The following PRB3 variants were observed in gnomAD, a reference collection of about 807,000 sequenced individuals.
PRB3 encodes basic salivary proline-rich protein 3.
Under a neutral mutation model 10.0 loss-of-function variants are expected in PRB3, and 9 were observed. The observed-to-expected ratio is 0.90, with a 90% confidence interval of 0.54 to 1.57. PRB3 has a LOEUF of 1.57. PRB3 is among the 40% of genes most tolerant of loss of function. PRB3 has a pLI of 0.00. For synonymous variants in PRB3, 89 were observed against 138.6 expected (o/e 0.64, Z 2.52); for missense variants, 285 against 385.5 (o/e 0.74, Z 2.18).
At position 11,268,029 on chromosome 12, in the gene PRB3, G is replaced by A. The variant is rs1272187269; in HGVS notation, c.220C>T (p.Arg74Cys). Residue 74 changes from arginine (R) to cysteine (C), a missense_variant, in exon 3 of 4, where the codon CGT becomes TGT. Physicochemically the swap from Arg to Cys is radical, Grantham distance 180. This residue lies in a region of PRB3 where 147 missense variants were observed against 129.4 expected (regional missense o/e 1.14). Transcript: ENST00000538488. ...GGNQSQGPPP[R>C]PGKPEGPPPQ... The stretch of plus-strand genomic sequence containing the variant: ...GGTGGTCCTTCTGGCTTTCCTGGAC[G>A]AGGTGGGGGACCTTGGGACTGGTTG... The A allele has an allele frequency of 3.1e-6, 5 of 1,599,920 alleles. No homozygotes were observed. The African/African-American group carries it at 4.1e-5, about 13-fold the overall frequency.
intron 1 of PRB3, among the ~76,000 whole-genome samples, chr12:11,268,938 T>C (rs980993723): frequency 7.9e-5 from 12 of 152,230 alleles, no homozygotes; most frequent in African/African-American, 2.9e-4. Context: ...TAATTTAGTT[T>C]ACACATGCCA....
rs1479346593 is a variant in PRB3 at position 11,267,219 on chromosome 12, G to T, written c.1030C>A (p.Pro344Thr). The T allele has an allele frequency of 1.2e-6, 2 of 1,614,062 alleles. No homozygotes were observed. Among genetic ancestry groups the T allele is most frequent in the Non-Finnish European group, 1.7e-6 (2 of 1,179,932 alleles). The part of the protein sequence containing the change: ...PPPQGGRPHR[P>T]PQGQPPQ Reference sequence around the variant, plus strand: ...TACTGGGGAGGCTGTCCCTGGGGAGGTCTGTGTGGTCTGCCCCCTTGAGGA... The same window carrying T: ...TACTGGGGAGGCTGTCCCTGGGGAGTTCTGTGTGGTCTGCCCCCTTGAGGA... Residue 344 changes from proline to threonine, a missense_variant, in exon 3 of 4, where the codon CCT (proline) becomes ACT (threonine). Physicochemically the swap from Pro to Thr is conservative, Grantham distance 38 (BLOSUM62 -1). Around this residue, in one of 3 missense-constraint regions of PRB3, gnomAD observed 108 missense variants for 106.9 expected, o/e 1.01. Coordinates refer to ENST00000538488, the MANE Select transcript of PRB3 (RefSeq NM_001394862.1).
intron 3 of PRB3, 89 bp from the exon 4 acceptor site, chr12:11,266,118 C>T: frequency 7.0e-6 from 3 of 428,442 alleles, no homozygotes; most frequent in South Asian, 5.1e-5. Flanking sequence ...CAGTAGAGTA[C>T]ATGAGATCCC....
In PRB3 at chr12:11,267,496, T is replaced by C. The variant is rs775081926; in HGVS notation, c.753A>G (p.Pro251=). 9.1e-7 allele frequency: 1 copy of C among 1,098,570 alleles called. No individual in the cohort carries two copies. The highest frequency in any genetic ancestry group is 2.1e-5 in the South Asian group (1 of 46,534). The allele number at this position is 1,098,570 out of a possible 1,614,324, so 68.1% of individuals were successfully genotyped here. A position where few individuals can be genotyped will look rare whatever the true frequency, so the allele number is the denominator to read the frequency against. Residue 251 remains proline (P), a synonymous_variant, in exon 3 of 4, where the codon CCA becomes CCG. Transcript: ENST00000538488. ...GACCTTGGGACTGGTTTCCTCCTTG[T>C]GGGGGTGGTCCTTCTGGCTTTCCTG... ...PRPGKPEGPP[P]QGGNQSQGPP... is the part of the protein sequence containing the mutation.
chr12:11,267,299 T>C lies in PRB3; in HGVS notation c.950A>G (p.Asn317Ser). ...GGGAGGTGGCAGAGGCTGCTGGGGA[T>C]TGCCTCCTGGTGGGGGTGGTCCTTG... ...RPQGPPPPGG[N>S]PQQPLPPPAG... Residue 317 changes from asparagine (N) to serine (S), a missense_variant, in exon 3 of 4, where the codon AAT becomes AGT. Physicochemically the swap from Asn to Ser is conservative, Grantham distance 46 (BLOSUM62 1). Coordinates refer to ENST00000538488, the MANE Select transcript of PRB3 (RefSeq NM_001394862.1). The C allele has an allele frequency of 6.2e-7, 1 of 1,612,600 alleles. No homozygotes were observed.
chr12:11,269,509 C>G (rs941205278), intron 1 of PRB3, 97 bp downstream of exon 1: 1 of 1,458,106 alleles, frequency 6.9e-7, no homozygotes. Flanking sequence ...TCTGCAGCCC[C>G]ATCTGTGTTT....
At chr12:11,269,341 C>T (rs1948627846) in intron 1 of PRB3, among the ~76,000 whole-genome samples, 1 of 152,216 alleles carries the variant, frequency 6.6e-6, no homozygotes, top group Non-Finnish European at 1.5e-5. Flanking sequence ...CCACTGCATC[C>T]TTCACAGCAC....
At position 11,265,930 on chromosome 12, in the gene PRB3, GTTTAT is replaced by G; in HGVS notation, c.*112_*116del. The G allele has an allele frequency of 2.2e-6, 1 of 455,946 alleles. No individual in the cohort carries two copies. The highest frequency in any genetic ancestry group is 1.6e-5 in the South Asian group (1 of 64,440). 28.2% of individuals were successfully genotyped at this position (455,946 alleles called of 1,614,324 possible). A position where few individuals can be genotyped will look rare whatever the true frequency, so the allele number is the denominator to read the frequency against. On this transcript the variant is annotated 3_prime_UTR_variant, in exon 4 of 4. Transcript: ENST00000538488. ...ACACCACAATCAGAAATTGTAAGCTGTTTATTTTATTGGTATATTAAAGGTAGAGC... is the reference window on the plus strand; with the variant it reads ...ACACCACAATCAGAAATTGTAAGCTGTTTATTGGTATATTAAAGGTAGAGC...
At chr12:11,266,140 C>G (rs1363900735) in intron 3 of PRB3, 111 bp from the exon 4 acceptor site, 2 of 394,594 alleles carry the variant, frequency 5.1e-6, no homozygotes, top group Admixed American at 2.8e-5. Context: ...TCCTCTCTCC[C>G]CAATCCCTTC....
chr12:11,268,061 T>A lies in PRB3; in HGVS notation c.188A>T (p.Gln63Leu). ...GGGACCTTGGGACTGGTTGCCTCCTTGTGGGGGTCGTCCTTCTGGCTTTCC... is the reference window on the plus strand; with the variant it reads ...GGGACCTTGGGACTGGTTGCCTCCTAGTGGGGGTCGTCCTTCTGGCTTTCC... ...PPGKPEGRPP[Q>L]GGNQSQGPPP... The change falls in exon 3 of 4, where the codon CAA (glutamine) becomes CTA (leucine). Residue 63 changes from glutamine to leucine, a missense_variant. Coordinates refer to ENST00000538488, the MANE Select transcript of PRB3 (RefSeq NM_001394862.1). The A allele has an allele frequency of 6.2e-7, 1 of 1,604,740 alleles. No individual in the cohort carries two copies.
At position 11,266,085 on chromosome 12, in the gene PRB3, C is replaced by T. The variant is rs761791328; in HGVS notation, c.*18-56G>A. 693 of 452,436 alleles carry T rather than the reference C, an allele frequency of 1.5e-3. 2 individuals carry two copies. Among genetic ancestry groups the T allele is most frequent in the Non-Finnish European group, 2.7e-3 (619 of 225,720 alleles). 28.0% of individuals were successfully genotyped at this position (452,436 alleles called of 1,614,324 possible). A position where few individuals can be genotyped will look rare whatever the true frequency, so the allele number is the denominator to read the frequency against. On this transcript the variant is annotated intron_variant, in intron 3 of 3. Coordinates refer to ENST00000538488, the MANE Select transcript of PRB3 (RefSeq NM_001394862.1). ...GCAGACTTGACATGGCAGGAAATGT[C>T]GAATTCCTCACTGGTGTTACTGCAG...
chr12:11,267,341 G>A lies in PRB3; in HGVS notation c.908C>T (p.Pro303Leu), dbSNP rs555433073. The change falls in exon 3 of 4, where the codon CCT becomes CTT. Residue 303 changes from proline to leucine, a missense_variant. By Grantham distance (98) the Pro-to-Leu change is moderately conservative. This residue lies in a region of PRB3 where 108 missense variants were observed against 106.9 expected (regional missense o/e 1.01). Coordinates refer to ENST00000538488, the MANE Select transcript of PRB3 (RefSeq NM_001394862.1). The part of the protein sequence containing the change: ...PQEGNKPQRP[P>L]PPGRPQGPPP... ...TGGTCCTTGTGGCCTTCCTGGAGGAGGGGGACGTTGAGGTTTGTTACCTTC... is the reference window on the plus strand; with the variant it reads ...TGGTCCTTGTGGCCTTCCTGGAGGAAGGGGACGTTGAGGTTTGTTACCTTC... 6 of 1,611,948 alleles carry A rather than the reference G, an allele frequency of 3.7e-6. No homozygotes were observed. In the Admixed American group the frequency reaches 6.7e-5, roughly 18 times the overall value.
At chr12:11,266,076 A>C (rs993893752) in intron 3 of PRB3, 47 bp from the exon 4 acceptor site, 1 of 453,764 alleles carries the variant, frequency 2.2e-6, no homozygotes, top group African/African-American at 2.0e-5. Flanking sequence ...TTGACATGGC[A>C]GGAAATGTCG....
At position 11,269,654 on chromosome 12, in the gene PRB3, G is replaced by A; in HGVS notation, c.16C>T (p.Leu6=). MLLIL[L]SVALLALSSA... ...CTCAGGGCCAGCAGGGCCACCGACA[G>A]CAGAATCAGTAGCATCTTGCTGGAG... Residue 6 remains leucine (L), a synonymous_variant, in exon 1 of 4, where the codon CTG becomes TTG. Coordinates refer to ENST00000538488, the MANE Select transcript of PRB3 (RefSeq NM_001394862.1). 6.2e-7 allele frequency: 1 copy of A among 1,613,988 alleles called. No individual in the cohort carries two copies. The highest frequency in any genetic ancestry group is 2.2e-5 in the East Asian group (1 of 44,888).
chr12:11,267,148 C>T, intron 3 of PRB3, 28 bp downstream of exon 3: 2 of 1,567,418 alleles, frequency 1.3e-6, no homozygotes, highest in Admixed American at 1.7e-5. Context: ...ACTTAGAGCA[C>T]TTGGTGAAGA....
chr12:11,267,139 C>G (rs762890475), intron 3 of PRB3, 37 bp downstream of exon 3: 1 of 1,554,596 alleles, frequency 6.4e-7, no homozygotes, highest in South Asian at 1.1e-5. Flanking sequence ...AACTGTAACA[C>G]TTAGAGCACT....
In PRB3 at chr12:11,267,260, T is replaced by C; in HGVS notation, c.989A>G (p.Gln330Arg). The stretch of plus-strand genomic sequence containing the variant: ...CCCTTGAGGAGGTGGAGGTGGTCCC[T>C]GGGGCTTTCCAGCGGGAGGTGGCAG... ...QPLPPPAGKP[Q>R]GPPPPPQGGR... is the part of the protein sequence containing the mutation. Residue 330 changes from glutamine to arginine, a missense_variant, in exon 3 of 4, where the codon CAG becomes CGG. This residue lies in a region of PRB3 where 108 missense variants were observed against 106.9 expected (regional missense o/e 1.01). Transcript: ENST00000538488. 6.2e-7 allele frequency: 1 copy of C among 1,613,644 alleles called. No homozygotes were observed. Among genetic ancestry groups the C allele is most frequent in the Non-Finnish European group, 8.5e-7 (1 of 1,179,720 alleles).
chr12:11,267,353 G>A lies in PRB3; in HGVS notation c.896C>T (p.Pro299Leu), dbSNP rs757490247. 5.6e-6 allele frequency: 9 copies of A among 1,605,694 alleles called. No individual in the cohort carries two copies. In the East Asian group the frequency reaches 1.1e-4, roughly 20 times the overall value. The change falls in exon 3 of 4, where the codon CCT (proline) becomes CTT (leucine). Residue 299 changes from proline to leucine, a missense_variant. Physicochemically the swap from Pro to Leu is moderately conservative, Grantham distance 98. Coordinates refer to ENST00000538488, the MANE Select transcript of PRB3 (RefSeq NM_001394862.1). ...CCTTCCTGGAGGAGGGGGACGTTGA[G>A]GTTTGTTACCTTCTTGTGGGGGTGG... is the stretch of plus-strand genomic sequence containing the variant. ...QGPPPQEGNK[P>L]QRPPPPGRPQ...
rs1430485956 is a variant in PRB3 at position 11,267,412 on chromosome 12, T to G, written c.837A>C (p.Gln279His). ...GPPSQGGNKP[Q>H]GPPPHPGKPQ... ...GCTTTCCTGGATGAGGTGGGGGACC[T>G]TGAGGTTTGTTGCCTCCTTGTGAAG... The change falls in exon 3 of 4, where the codon CAA becomes CAC. Residue 279 changes from glutamine to histidine, a missense_variant. Physicochemically the swap from Gln to His is conservative, Grantham distance 24 (BLOSUM62 0). This residue lies in a region of PRB3 where 108 missense variants were observed against 106.9 expected (regional missense o/e 1.01). Coordinates refer to ENST00000538488, the MANE Select transcript of PRB3 (RefSeq NM_001394862.1). 1 of 1,567,850 alleles carries G rather than the reference T, an allele frequency of 6.4e-7. No individual in the cohort carries two copies. The highest frequency in any genetic ancestry group is 1.2e-5 in the South Asian group (1 of 83,214).
Sources: allele counts gnomAD v4.1 joint callset (sites outside exome capture counted in the v4.1 genomes callset), GRCh38; gene constraint gnomAD v4.1.1; regional missense constraint gnomAD v4.1.1; transcripts MANE v1.5; gene names NCBI Gene and HGNC (gene_info 2026-07-23, HGNC 2026-07-21).